SH3TC2: variants seen among roughly 807,000 people sequenced by gnomAD.
SH3TC2 encodes SH3 domain and tetratricopeptide repeats 2.
A neutral mutation model predicts 124.5 loss-of-function variants in SH3TC2; 87 were observed. The ratio of observed to expected loss-of-function variants is 0.70; its 90% confidence interval spans 0.59 to 0.84. The LOEUF (loss-of-function observed/expected upper bound fraction) is 0.84, where lower values mean the gene tolerates loss of function less well. Ranked by LOEUF, SH3TC2 falls within the 40% of genes least tolerant of loss-of-function variation. SH3TC2 has a pLI of 0.00. For missense variants in SH3TC2, 1,536 were observed against 1,566.4 expected, an observed-to-expected ratio of 0.98 and a Z score of 0.33; for synonymous variants, 634 against 628.5, an observed-to-expected ratio of 1.01 and a Z score of -0.13.
intron 14 of SH3TC2, among the ~76,000 whole-genome samples, chr5:149,009,426 G>A (rs1294945606): frequency 6.6e-6 from 1 of 151,990 alleles, no homozygotes; most frequent in Admixed American, 6.6e-5. Flanking sequence ...AGAATTTTAG[G>A]CAAATCACTT....
At chr5:149,053,062 A>G (rs1754585195) in intron 1 of SH3TC2, among the ~76,000 whole-genome samples, 1 of 152,194 alleles carries the variant, frequency 6.6e-6, no homozygotes, top group Non-Finnish European at 1.5e-5. Context: ...CCATGGAGTC[A>G]GAATGTGATA....
chr5:149,031,526 T>C (rs373839414), intron 9 of SH3TC2, 28 bp downstream of exon 9: 14 of 1,613,912 alleles, frequency 8.7e-6, no homozygotes, highest in African/African-American at 1.3e-5. Context: ...CCCCAGGCTT[T>C]TGAAGGTGTC....
intron 9 of SH3TC2, 85 bp downstream of exon 9, chr5:149,031,469 T>C: frequency 6.4e-7 from 1 of 1,563,774 alleles, no homozygotes; most frequent in East Asian, 2.2e-5. Flanking sequence ...GATTAGAATT[T>C]AGGGGTATTC....
intron 8 of SH3TC2, chr5:149,034,660 G>T (rs1754253856): frequency 1.2e-5 from 2 of 162,192 alleles, no homozygotes; most frequent in Admixed American, 1.3e-4. Context: ...TTTATAGAAT[G>T]AATGAATTGA....
intron 3 of SH3TC2, chr5:149,045,001 G>T: frequency 5.3e-6 from 1 of 187,466 alleles, no homozygotes; most frequent in Non-Finnish European, 1.1e-5. Flanking sequence ...TATGTGGGAG[G>T]ATAAAGGACG....
Position 148,984,344 on chromosome 5 carries a change from A to G in SH3TC2, c.*20367T>C, listed in dbSNP as rs1753299444. Among the ~76,000 whole-genome samples, 1 of 151,996 alleles carries G rather than the reference A, an allele frequency of 6.6e-6. No homozygotes were observed. Among genetic ancestry groups the G allele is most frequent in the Admixed American group, 6.5e-5 (1 of 15,270 alleles). The stretch of plus-strand genomic sequence containing the variant: ...TTCTATTGAATTTTTCAGTTTATTC[A>G]TTATACATTATAAATATATACAATT... On this transcript the variant is annotated 3_prime_UTR_variant, in exon 17 of 17. Coordinates refer to ENST00000515425, the MANE Select transcript of SH3TC2 (RefSeq NM_024577.4).
chr5:149,033,128 T>C (rs1411556855), intron 8 of SH3TC2, among the ~76,000 whole-genome samples: 1 of 152,192 alleles, frequency 6.6e-6, no homozygotes, highest in East Asian at 1.9e-4. Context: ...TGCTAAGAAT[T>C]GCATGGCTAG....
At position 149,003,508 on chromosome 5, in the gene SH3TC2, T is replaced by C. The variant is rs1753630594; in HGVS notation, c.*1203A>G. The C allele has an allele frequency of 6.3e-6, 1 of 157,838 alleles. No individual in the cohort carries two copies. Among genetic ancestry groups the C allele is most frequent in the African/African-American group, 2.4e-5 (1 of 41,498 alleles). The allele number at this position is 157,838 out of a possible 1,614,324, so 9.8% of individuals were successfully genotyped here. A position where few individuals can be genotyped will look rare whatever the true frequency, so the allele number is the denominator to read the frequency against. ...AAGCCCATCCTTCTCTAGTTGAAGTTGAGATAACTGCAGCCCCAGCTGATT... is the reference window on the plus strand; with the variant it reads ...AAGCCCATCCTTCTCTAGTTGAAGTCGAGATAACTGCAGCCCCAGCTGATT... On this transcript the variant is annotated 3_prime_UTR_variant, in exon 17 of 17. Transcript: ENST00000515425.
intron 1 of SH3TC2, among the ~76,000 whole-genome samples, chr5:149,061,578 A>G (rs1296104698): frequency 1.3e-5 from 2 of 152,230 alleles, no homozygotes; most frequent in South Asian, 4.1e-4. Flanking sequence ...CATAAAAGCT[A>G]CAGATAAGGA....
At chr5:149,015,769 T>A (rs899429708) in intron 12 of SH3TC2, among the ~76,000 whole-genome samples, 1 of 152,200 alleles carries the variant, frequency 6.6e-6, no homozygotes, top group African/African-American at 2.4e-5. Context: ...TGAGTCTGTC[T>A]AACCTCTGGC....
At chr5:149,036,343 C>T (rs1465550123) in intron 8 of SH3TC2, among the ~76,000 whole-genome samples, 2 of 152,104 alleles carry the variant, frequency 1.3e-5, no homozygotes, top group Non-Finnish European at 2.9e-5. Flanking sequence ...CCCTGCTGTA[C>T]CTCTCTGATG....
intron 1 of SH3TC2, among the ~76,000 whole-genome samples, chr5:149,058,039 C>G (rs1754681475): frequency 6.6e-6 from 1 of 152,112 alleles, no homozygotes; most frequent in South Asian, 2.1e-4. Context: ...AGAAAGCCCA[C>G]CTGACATTGA....
chr5:149,038,791 A>G (rs1490566826), intron 7 of SH3TC2, among the ~76,000 whole-genome samples: 1 of 152,248 alleles, frequency 6.6e-6, no homozygotes, highest in East Asian at 1.9e-4. Context: ...ATGAATAAAC[A>G]TAGCTTATGG....
Position 149,028,104 on chromosome 5 carries a change from T to C in SH3TC2, c.1628A>G (p.Lys543Arg), listed in dbSNP as rs1561765251. 6.2e-7 allele frequency: 1 copy of C among 1,614,086 alleles called. No homozygotes were observed. Among genetic ancestry groups the C allele is most frequent in the Non-Finnish European group, 8.5e-7 (1 of 1,180,044 alleles). ...LLGRLSIRKV[K>R]LSQARVYFEE... ...GAAGTACACCCTGGCCTGAGAGAGT[T>C]TGACCTTCCTGATGCTCAGCCGGCC... The change falls in exon 11 of 17, where the codon AAA becomes AGA. Residue 543 changes from lysine (K) to arginine (R), a missense_variant. Around this residue, in one of 3 missense-constraint regions of SH3TC2, gnomAD observed 1,102 missense variants for 1,098.6 expected, o/e 1.00. Transcript: ENST00000515425.
At chr5:149,017,530 A>G (rs1753896665) in intron 12 of SH3TC2, among the ~76,000 whole-genome samples, 1 of 152,122 alleles carries the variant, frequency 6.6e-6, no homozygotes, top group Non-Finnish European at 1.5e-5. Flanking sequence ...CGCCCCACAC[A>G]CACACACCAT....
At chr5:149,010,414 G>T in intron 13 of SH3TC2, 22 bp from the exon 14 acceptor site, 1 of 1,613,240 alleles carries the variant, frequency 6.2e-7, no homozygotes, top group South Asian at 1.1e-5. Context: ...AGAGACAGCT[G>T]TTAAAGGCAG....
Position 148,992,539 on chromosome 5 carries a change from T to C in SH3TC2, c.*12172A>G, listed in dbSNP as rs184311821. Reference sequence around the variant, plus strand: ...CCTTGGGCGTGCATTAAAGGGTCCATGAGGCCTTTGAAAGTATGTGTATGG... The same window carrying C: ...CCTTGGGCGTGCATTAAAGGGTCCACGAGGCCTTTGAAAGTATGTGTATGG... On this transcript the variant is annotated 3_prime_UTR_variant, in exon 17 of 17. Coordinates refer to ENST00000515425, the MANE Select transcript of SH3TC2 (RefSeq NM_024577.4). 8.9e-4 allele frequency among the ~76,000 whole-genome samples: 135 copies of C among 151,074 alleles called. No homozygotes were observed. Among genetic ancestry groups the C allele is most frequent in the African/African-American group, 2.6e-3 (108 of 41,218 alleles).
rs80338936 is a variant in SH3TC2 at position 149,008,987 on chromosome 5, AG to A, written c.3341del (p.Pro1114LeufsTer2). On this transcript the variant is annotated frameshift_variant, in exon 15 of 17. Coordinates refer to ENST00000515425, the MANE Select transcript of SH3TC2 (RefSeq NM_024577.4). LOFTEE classifies it high-confidence loss of function. ...AVEYYRAGAV[P>X]LARRLKAVRT... ...TCACCGCCTTCAACCTCCTTGCTAA[AG>A]GAACAGCTCCAGCCTAGGAACAGAA... is the stretch of plus-strand genomic sequence containing the variant. 1.2e-6 allele frequency: 2 copies of A among 1,614,186 alleles called. No homozygotes were observed. Among genetic ancestry groups the A allele is most frequent in the Non-Finnish European group, 1.7e-6 (2 of 1,180,028 alleles).
In SH3TC2 at chr5:149,002,887, A is replaced by G. The variant is rs1473902287; in HGVS notation, c.*1824T>C. On this transcript the variant is annotated 3_prime_UTR_variant, in exon 17 of 17. Coordinates refer to ENST00000515425, the MANE Select transcript of SH3TC2 (RefSeq NM_024577.4). Reference sequence around the variant, plus strand: ...TCACCAGGTAATAGTTATGCACACTATCTGAGGGCTCTTGCCCTGCAGTGG... The same window carrying G: ...TCACCAGGTAATAGTTATGCACACTGTCTGAGGGCTCTTGCCCTGCAGTGG... 6.6e-6 allele frequency: 1 copy of G among 152,570 alleles called. No homozygotes were observed. Among genetic ancestry groups the G allele is most frequent in the East Asian group, 1.9e-4 (1 of 5,194 alleles). 9.5% of individuals were successfully genotyped at this position (152,570 alleles called of 1,614,324 possible). A position where few individuals can be genotyped will look rare whatever the true frequency, so the allele number is the denominator to read the frequency against.
Sources: gnomAD v4.1 joint callset for allele counts (sites outside exome capture counted in the v4.1 genomes callset) on GRCh38, gnomAD v4.1.1 for gene constraint, gnomAD v4.1.1 regional missense constraint, MANE v1.5 for transcripts, NCBI Gene and HGNC (gene_info 2026-07-23, HGNC 2026-07-21) for gene names.